TMEM201: variants seen among roughly 807,000 people sequenced by gnomAD.
TMEM201 encodes the protein RP13-15M17.2.
A neutral mutation model predicts 63.4 loss-of-function variants in TMEM201; 26 were observed. The ratio of observed to expected loss-of-function variants is 0.41; its 90% CI spans 0.30 to 0.57. The LOEUF (loss-of-function observed/expected upper bound fraction) is 0.57. TMEM201 is among the 20% of genes least tolerant of loss of function. The probability of loss-of-function intolerance (pLI) is 0.29; values close to 1 mark genes in which losing one functional copy is unlikely to be tolerated. For synonymous variants in TMEM201, 417 were observed against 421.6 expected, an observed-to-expected ratio of 0.99 and a Z score of 0.14; for missense variants, 794 against 917.7, an observed-to-expected ratio of 0.87 and a Z score of 1.74.
chr1:9,598,437 C>A lies in TMEM201; in HGVS notation c.430-12C>A. On this transcript the variant is annotated splice_polypyrimidine_tract_variant and intron_variant, in intron 3 of 10. Transcript: ENST00000340381. ...CCCTGCAGATGCCGAGCCTGTTCCC[C>A]CAACCCCACAGGGCAGGTATGACGA... 1 of 1,604,626 alleles carries A rather than the reference C, an allele frequency of 6.2e-7. No homozygotes were observed. Among genetic ancestry groups the A allele is most frequent in the South Asian group, 1.1e-5 (1 of 90,802 alleles).
At position 9,603,635 on chromosome 1, in the gene TMEM201, G is replaced by A. The variant is rs571083213; in HGVS notation, c.1160+1363G>A. 268 of 985,456 alleles carry A rather than the reference G, an allele frequency of 2.7e-4. No individual in the cohort carries two copies. Among genetic ancestry groups the A allele is most frequent in the Middle Eastern group, 2.1e-3 (4 of 1,912 alleles). The allele number at this position is 985,456 out of a possible 1,614,324, so 61.0% of individuals were successfully genotyped here. ...TCACAGGTGCATGAGGGTTACACCC[G>A]TCACCTGGGTCTGCCGGGATGGGTT... is the stretch of plus-strand genomic sequence containing the variant. On this transcript the variant is annotated intron_variant, in intron 6 of 10. Transcript: ENST00000340381. This position sits in a 1 kb window ranked among gnomAD's most constrained non-coding sequence, Gnocchi z 4.5.
rs1201654671 is a variant in TMEM201, at chr1:9,608,359, T to C, written c.1393+570T>C. Among the ~76,000 whole-genome samples, 2 of 152,206 alleles carry C rather than the reference T, an allele frequency of 1.3e-5. No homozygotes were observed. Among genetic ancestry groups the C allele is most frequent in the African/African-American group, 2.4e-5 (1 of 41,440 alleles). On this transcript the variant is annotated intron_variant, in intron 7 of 10. Coordinates refer to ENST00000340381, the MANE Select transcript of TMEM201 (RefSeq NM_001130924.3). The surrounding 1 kb of genome is among the most constrained non-coding windows in gnomAD (Gnocchi z 4.3). The stretch of plus-strand genomic sequence containing the variant: ...ATGTGTGCACCGTGCTGTGCCCTAA[T>C]CTTTTCCTCTAAAATTGCAACATGC...
Position 9,589,091 on chromosome 1 carries a change from G to C in TMEM201, c.113+48G>C, listed in dbSNP as rs1643876815. ...CGCGGCCCTCTGCGCCGCCCGCCAG[G>C]CCCGCCCCCGCGCCGCCCCGGCCCG... On this transcript the variant is annotated intron_variant, in intron 1 of 10. Transcript: ENST00000340381. 5 of 855,144 alleles carry C rather than the reference G, an allele frequency of 5.8e-6. No individual in the cohort carries two copies. The East Asian group carries it at 5.3e-4, about 91-fold the overall frequency. 53.0% of individuals were successfully genotyped at this position (855,144 alleles called of 1,614,324 possible).
Position 9,598,523 on chromosome 1 carries a change from A to C in TMEM201, c.504A>C (p.Gln168His). The change falls in exon 4 of 11, where the codon CAA (glutamine) becomes CAC (histidine). Residue 168 changes from glutamine (Q) to histidine (H), a missense_variant. Gln to His is a conservative substitution (Grantham distance 24). Transcript: ENST00000340381. ...EQMYKLCRPCQAAVEYYIKHQ... is the reference protein window; with the variant it reads ...EQMYKLCRPCHAAVEYYIKHQ... ...TGTACAAGCTGTGCCGGCCGTGCCA[A>C]GCGGCTGTGGAGTACTACATCAAGC... 1 of 1,613,950 alleles carries C rather than the reference A, an allele frequency of 6.2e-7. No individual in the cohort carries two copies. The highest frequency in any genetic ancestry group is 8.5e-7 in the Non-Finnish European group (1 of 1,180,028).
intron 9 of TMEM201, 54 bp from the exon 10 acceptor site, chr1:9,611,699 T>G: frequency 6.5e-7 from 1 of 1,549,780 alleles, no homozygotes; most frequent in Non-Finnish European, 8.7e-7. Context: ...GCCCCGCGTC[T>G]GTCCCTGGAG....
chr1:9,597,871 G>T (rs1478117027), intron 3 of TMEM201, among the ~76,000 whole-genome samples: 1 of 152,218 alleles, frequency 6.6e-6, no homozygotes, highest in Non-Finnish European at 1.5e-5. Context: ...TCCTGGCCTT[G>T]CAGGCCAAAA....
At position 9,613,466 on chromosome 1, in the gene TMEM201, C is replaced by T; in HGVS notation, c.*383C>T. ...AGGAGCTGCCCGGCCTGCCTTCTGG[C>T]CCCACGCCCACAGGCGTAGTCACAT... On this transcript the variant is annotated 3_prime_UTR_variant, in exon 11 of 11. Transcript: ENST00000340381. 3.6e-6 allele frequency: 1 copy of T among 279,094 alleles called. No individual in the cohort carries two copies. Among genetic ancestry groups the T allele is most frequent in the Non-Finnish European group, 6.9e-6 (1 of 144,824 alleles). 17.3% of individuals were successfully genotyped at this position (279,094 alleles called of 1,614,324 possible). A position where few individuals can be genotyped will look rare whatever the true frequency, so the allele number is the denominator to read the frequency against.
chr1:9,610,777 G>A lies in TMEM201; in HGVS notation c.1737G>A (p.Pro579=), dbSNP rs755612018. The change falls in exon 9 of 11, where the codon CCG becomes CCA. Residue 579 remains proline, a synonymous_variant. Transcript: ENST00000340381. The surrounding 1 kb of genome is among the most constrained non-coding windows in gnomAD (Gnocchi z 4.9). ...TMEPPHVPRK[P]PLQDVKHALD... is the part of the protein sequence containing the mutation. ...AGCCGCCCCATGTTCCCCGGAAGCC[G>A]CCCCTGCAGGACGTGAAGCACGCCC... is the stretch of plus-strand genomic sequence containing the variant. 8 of 1,545,502 alleles carry A rather than the reference G, an allele frequency of 5.2e-6. No individual in the cohort carries two copies. The Admixed American group carries it at 7.9e-5, about 15-fold the overall frequency.
At chr1:9,595,440 G>A (rs1355905704) in intron 1 of TMEM201, among the ~76,000 whole-genome samples, 3 of 152,008 alleles carry the variant, frequency 2.0e-5, no homozygotes, top group African/African-American at 7.2e-5. Flanking sequence ...CTGCAGCCCA[G>A]GATCAAGGAC....
At chr1:9,611,604 C>A in intron 9 of TMEM201, 149 bp from the exon 10 acceptor site, 2 of 942,960 alleles carry the variant, frequency 2.1e-6, no homozygotes, top group South Asian at 1.6e-5. Flanking sequence ...AAGGACCTGG[C>A]CCCCCACTGT....
chr1:9,596,769 G>GC lies in TMEM201; in HGVS notation c.235-88dup, dbSNP rs1217102151. On this transcript the variant is annotated intron_variant, in intron 2 of 10. Transcript: ENST00000340381. ...AGATGTTTGAGATCTACCATCACTT[G>GC]CCTGGAGCGGGGCGGGCCCCCAGGG... 2.3e-6 allele frequency: 3 copies of GC among 1,314,054 alleles called. No individual in the cohort carries two copies. The African/African-American group carries it at 4.4e-5, about 19-fold the overall frequency. The allele number at this position is 1,314,054 out of a possible 1,614,324, so 81.4% of individuals were successfully genotyped here.
At chr1:9,606,703 C>G (rs1410680345) in intron 6 of TMEM201, 1 of 152,370 alleles carries the variant, frequency 6.6e-6, no homozygotes, top group African/African-American at 2.4e-5. Context: ...CTCTGTCCCT[C>G]TCTTCCCTCT....
In TMEM201 at chr1:9,613,027, AG is replaced by A; in HGVS notation, c.1946del (p.Ser649ThrfsTer79). On this transcript the variant is annotated frameshift_variant, in exon 11 of 11. Coordinates refer to ENST00000340381, the MANE Select transcript of TMEM201 (RefSeq NM_001130924.3). LOFTEE classifies it high-confidence loss of function. ...PSLVRGLLAV[S>X]LAANALFTSV... ...CCTGGTCCGGGGCCTCCTGGCCGTG[AG>A]CTTGGCCGCCAACGCCCTGTTCACC... The A allele has an allele frequency of 6.4e-7, 1 of 1,551,498 alleles. No homozygotes were observed. Among genetic ancestry groups the A allele is most frequent in the African/African-American group, 1.4e-5 (1 of 73,170 alleles).
Position 9,598,429 on chromosome 1 carries a change from C to T in TMEM201, c.430-20C>T, listed in dbSNP as rs781179917. On this transcript the variant is annotated intron_variant, in intron 3 of 10. Transcript: ENST00000340381. The stretch of plus-strand genomic sequence containing the variant: ...TCATCCACCCCTGCAGATGCCGAGC[C>T]TGTTCCCCCAACCCCACAGGGCAGG... The T allele has an allele frequency of 1.2e-6, 2 of 1,601,748 alleles. No homozygotes were observed. Among genetic ancestry groups the T allele is most frequent in the Admixed American group, 1.7e-5 (1 of 59,704 alleles).
At chr1:9,589,223 C>T (rs1019557932) in intron 1 of TMEM201, among the ~76,000 whole-genome samples, 180 bp downstream of exon 1, 2 of 151,106 alleles carry the variant, frequency 1.3e-5, no homozygotes, top group East Asian at 1.9e-4. Context: ...GAAGCGGCTG[C>T]GGAGTCGAGT....
Position 9,614,783 on chromosome 1 carries a change from G to C in TMEM201, c.*1700G>C, listed in dbSNP as rs1644368583. The C allele has an allele frequency of 6.6e-6, 1 of 152,162 alleles. No individual in the cohort carries two copies. The highest frequency in any genetic ancestry group is 2.1e-4 in the South Asian group (1 of 4,820). 9.4% of individuals were successfully genotyped at this position (152,162 alleles called of 1,614,324 possible). A position where few individuals can be genotyped will look rare whatever the true frequency, so the allele number is the denominator to read the frequency against. ...GCCAGGGAACAGGCCCAGCGGGAGG[G>C]GGTTTTATGTTTTGTTTCAAACAGA... On this transcript the variant is annotated 3_prime_UTR_variant, in exon 11 of 11. Coordinates refer to ENST00000340381, the MANE Select transcript of TMEM201 (RefSeq NM_001130924.3).
rs1210353728 is a variant in TMEM201, at chr1:9,596,903, C to A, written c.279C>A (p.His93Gln). Residue 93 changes from histidine (H) to glutamine (Q), a missense_variant, in exon 3 of 11, where the codon CAC (histidine) becomes CAA (glutamine). His to Gln is a conservative substitution (Grantham distance 24). Coordinates refer to ENST00000340381, the MANE Select transcript of TMEM201 (RefSeq NM_001130924.3). The stretch of plus-strand genomic sequence containing the variant: ...CGATCCCCGCCCAGTACTTGGAGCA[C>A]CTGAACCACGTGGTGAGCAGCGCGC... ...NKPIPAQYLE[H>Q]LNHVVSSAPS... is the part of the protein sequence containing the mutation. 6.2e-7 allele frequency: 1 copy of A among 1,609,348 alleles called. No individual in the cohort carries two copies. The highest frequency in any genetic ancestry group is 1.3e-5 in the African/African-American group (1 of 74,886).
In TMEM201 at chr1:9,610,972, G is replaced by A. The variant is rs1327773132; in HGVS notation, c.1765+167G>A. On this transcript the variant is annotated intron_variant, in intron 9 of 10. Coordinates refer to ENST00000340381, the MANE Select transcript of TMEM201 (RefSeq NM_001130924.3). The surrounding 1 kb of genome is among the most constrained non-coding windows in gnomAD (Gnocchi z 4.9). ...GGCTCTGGTGACTTGAACCCTCTGG[G>A]ACATTGACCTCTAATGGCTGATTTC... The A allele has an allele frequency of 4.6e-6, 7 of 1,526,626 alleles. No homozygotes were observed. The highest frequency in any genetic ancestry group is 6.1e-6 in the Non-Finnish European group (7 of 1,141,650). 94.6% of individuals were successfully genotyped at this position (1,526,626 alleles called of 1,614,324 possible).
chr1:9,613,221 C>T lies in TMEM201; in HGVS notation c.*138C>T, dbSNP rs936208572. 8.1e-6 allele frequency: 6 copies of T among 742,516 alleles called. No homozygotes were observed. The Admixed American group carries it at 9.6e-5, about 12-fold the overall frequency. 46.0% of individuals were successfully genotyped at this position (742,516 alleles called of 1,614,324 possible). On this transcript the variant is annotated 3_prime_UTR_variant, in exon 11 of 11. Transcript: ENST00000340381. ...TTGACCTCACTGGACTGTGACTGTC[C>T]TCAGGACACCTGCCCCTCCTCACCT...
Sources: allele counts gnomAD v4.1 joint callset (sites outside exome capture counted in the v4.1 genomes callset), GRCh38; gene constraint gnomAD v4.1.1; non-coding constraint Gnocchi (gnomAD v3.1); transcripts MANE v1.5; gene names NCBI Gene and HGNC (gene_info 2026-07-23, HGNC 2026-07-21).